ASZ1: variants seen among roughly 807,000 people sequenced by gnomAD.
The protein encoded by ASZ1 is ankyrin repeat, SAM and basic leucine zipper domain containing 1, also known as ankyrin repeat, SAM and basic leucine zipper domain-containing protein 1.
A neutral mutation model predicts 61.8 loss-of-function variants in ASZ1; 67 were observed. The ratio of observed to expected loss-of-function variants is 1.08; its 90% CI spans 0.89 to 1.33. The LOEUF (loss-of-function observed/expected upper bound fraction) is 1.33. Ranked by LOEUF, ASZ1 falls within the 40% of genes most tolerant of loss-of-function variation. The pLI is 0.00. For synonymous variants in ASZ1, 193 were observed against 192.7 expected (o/e 1.00, Z -0.01); for missense variants, 577 against 554.5 (o/e 1.04, Z -0.41).
At position 117,368,470 on chromosome 7, in the gene ASZ1, A is replaced by C. The variant is rs1215851468; in HGVS notation, c.1161+142T>G. The stretch of plus-strand genomic sequence containing the variant: ...TAAAGGAGTAATATTAAACAAATTG[A>C]CTTATTTAGATCTTATGTGATTTTG... On this transcript the variant is annotated intron_variant, in intron 11 of 12. Coordinates refer to ENST00000284629, the MANE Select transcript of ASZ1 (RefSeq NM_130768.3). 3 of 1,397,294 alleles carry C rather than the reference A, an allele frequency of 2.1e-6. No homozygotes were observed. The African/African-American group carries it at 4.4e-5, about 21-fold the overall frequency. 86.6% of individuals were successfully genotyped at this position (1,397,294 alleles called of 1,614,324 possible).
intron 4 of ASZ1, among the ~76,000 whole-genome samples, chr7:117,408,496 A>C (rs972556300): frequency 6.6e-6 from 1 of 152,178 alleles, no homozygotes; most frequent in Non-Finnish European, 1.5e-5. Flanking sequence ...ACATTATTTT[A>C]TAGTGCAAAA....
chr7:117,408,920 T>C (rs1421250642), intron 4 of ASZ1, among the ~76,000 whole-genome samples: 1 of 151,374 alleles, frequency 6.6e-6, no homozygotes, highest in Non-Finnish European at 1.5e-5. Flanking sequence ...GTTACATGGG[T>C]ATATGTGTCA....
chr7:117,364,101 A>T (rs1224913864), intron 12 of ASZ1, among the ~76,000 whole-genome samples: 1 of 152,216 alleles, frequency 6.6e-6, no homozygotes, highest in Non-Finnish European at 1.5e-5. Flanking sequence ...TTGTGCATTA[A>T]ATATCAATTA....
At chr7:117,415,988 C>T (rs749965750) in intron 4 of ASZ1, among the ~76,000 whole-genome samples, 3 of 152,064 alleles carry the variant, frequency 2.0e-5, no homozygotes, top group African/African-American at 7.2e-5. Flanking sequence ...GTTAGAAGTT[C>T]GAGACCAGCC....
Position 117,422,320 on chromosome 7 carries a change from G to T in ASZ1, c.245C>A (p.Pro82His), listed in dbSNP as rs759590403. 6.2e-7 allele frequency: 1 copy of T among 1,612,490 alleles called. No individual in the cohort carries two copies. Among genetic ancestry groups the T allele is most frequent in the African/African-American group, 1.3e-5 (1 of 74,534 alleles). Residue 82 changes from proline (P) to histidine (H), a missense_variant, in exon 3 of 13, where the codon CCC becomes CAC. By Grantham distance (77) the Pro-to-His change is moderately conservative. Coordinates refer to ENST00000284629, the MANE Select transcript of ASZ1 (RefSeq NM_130768.3). ...GGCAACACTAGCAGCATACATAAGGGGAGTCCATCCATACTGAAAGTTGGA... is the reference window on the plus strand; with the variant it reads ...GGCAACACTAGCAGCATACATAAGGTGAGTCCATCCATACTGAAAGTTGGA... ...VDSNFQYGWT[P>H]LMYAASVANA... is the part of the protein sequence containing the mutation.
At chr7:117,387,989 T>G (rs1796392923) in intron 4 of ASZ1, among the ~76,000 whole-genome samples, 1 of 152,166 alleles carries the variant, frequency 6.6e-6, no homozygotes, top group South Asian at 2.1e-4. Context: ...GTACAGATTA[T>G]CCAGATTTTA....
chr7:117,375,074 G>T (rs1236174652), intron 10 of ASZ1, among the ~76,000 whole-genome samples: 1 of 151,992 alleles, frequency 6.6e-6, no homozygotes, highest in Non-Finnish European at 1.5e-5. Flanking sequence ...AATTTCATAG[G>T]CTGGTTATAA....
chr7:117,413,660 A>G (rs1223402413), intron 4 of ASZ1, among the ~76,000 whole-genome samples: 2 of 152,048 alleles, frequency 1.3e-5, no homozygotes, highest in African/African-American at 2.4e-5. Flanking sequence ...AAATGAAAAA[A>G]TAAAAGAAAA....
intron 4 of ASZ1, among the ~76,000 whole-genome samples, chr7:117,410,360 AATTCTGAG>A (rs1189963022): frequency 6.6e-6 from 1 of 151,732 alleles, no homozygotes; most frequent in Non-Finnish European, 1.5e-5. Context: ...TTGGGACATA[AATTCTGAG>A]TCCAAGATCA....
chr7:117,384,714 A>G lies in ASZ1; in HGVS notation c.687+12T>C. The G allele has an allele frequency of 6.2e-7, 1 of 1,609,202 alleles. No individual in the cohort carries two copies. The highest frequency in any genetic ancestry group is 8.5e-7 in the Non-Finnish European group (1 of 1,177,074). ...GCCACAGAAAATAAGTTTAATATGT[A>G]CAGAAGGATACCTCATGATGTTTGT... On this transcript the variant is annotated intron_variant, in intron 6 of 12. Coordinates refer to ENST00000284629, the MANE Select transcript of ASZ1 (RefSeq NM_130768.3).
chr7:117,386,786 C>T (rs1212918606), intron 4 of ASZ1, among the ~76,000 whole-genome samples: 1 of 152,168 alleles, frequency 6.6e-6, no homozygotes, highest in African/African-American at 2.4e-5. Context: ...AATCTGAACA[C>T]TTCACACCTA....
intron 10 of ASZ1, among the ~76,000 whole-genome samples, chr7:117,377,258 G>C (rs948446019): frequency 3.3e-5 from 5 of 152,176 alleles, no homozygotes; most frequent in African/African-American, 1.2e-4. Flanking sequence ...CAGAAATGGT[G>C]GGTCAGGTTT....
Position 117,391,471 on chromosome 7 carries a change from T to C in ASZ1, c.441-5662A>G, listed in dbSNP as rs182066853. On this transcript the variant is annotated intron_variant, in intron 4 of 12. Transcript: ENST00000284629. Reference sequence around the variant, plus strand: ...TTTAAGTCTTTAATCCATCTTGAATTGATTTCTGCATATGGTAAGAGGTAG... The same window carrying C: ...TTTAAGTCTTTAATCCATCTTGAATCGATTTCTGCATATGGTAAGAGGTAG... Among the ~76,000 whole-genome samples the C allele has an allele frequency of 1.5e-3, 227 of 152,330 alleles. 2 individuals carry two copies. The highest frequency in any genetic ancestry group is 6.8e-3 in the Middle Eastern group (2 of 294).
At chr7:117,365,559 G>C (rs1795920106) in intron 12 of ASZ1, among the ~76,000 whole-genome samples, 1 of 152,110 alleles carries the variant, frequency 6.6e-6, no homozygotes, top group Non-Finnish European at 1.5e-5. Flanking sequence ...GAAGCAAATA[G>C]CTTTTAGGAA....
intron 2 of ASZ1, 34 bp from the exon 3 acceptor site, chr7:117,422,393 C>A: frequency 6.2e-7 from 1 of 1,602,862 alleles, no homozygotes; most frequent in South Asian, 1.1e-5. Context: ...TAAAAGCACA[C>A]TACCACCAAA....
chr7:117,375,112 A>G (rs2116456524), intron 10 of ASZ1, among the ~76,000 whole-genome samples: 1 of 152,182 alleles, frequency 6.6e-6, no homozygotes, highest in South Asian at 2.1e-4. Context: ...ACATAATTTC[A>G]AAATTATCTA....
intron 4 of ASZ1, among the ~76,000 whole-genome samples, chr7:117,395,388 C>A (rs1796557010): frequency 6.6e-6 from 1 of 152,052 alleles, no homozygotes. Flanking sequence ...AGAATCATTT[C>A]ATCAAGTCAA....
intron 4 of ASZ1, among the ~76,000 whole-genome samples, chr7:117,416,591 G>A (rs1038061118): frequency 1.3e-4 from 20 of 152,092 alleles, no homozygotes; most frequent in Admixed American, 4.6e-4. Context: ...AACAAGATCC[G>A]GATCACATGG....
At position 117,413,436 on chromosome 7, in the gene ASZ1, A is replaced by G. The variant is rs148494438; in HGVS notation, c.440+6727T>C. Reference sequence around the variant, plus strand: ...CTATTACACAGCAAATGTTCAATAAATGTTTCATTTACAAATTCTAAAGCC... The same window carrying G: ...CTATTACACAGCAAATGTTCAATAAGTGTTTCATTTACAAATTCTAAAGCC... On this transcript the variant is annotated intron_variant, in intron 4 of 12. Coordinates refer to ENST00000284629, the MANE Select transcript of ASZ1 (RefSeq NM_130768.3). 4.7e-3 allele frequency among the ~76,000 whole-genome samples: 717 copies of G among 152,194 alleles called. 11 individuals carry two copies. Among genetic ancestry groups the G allele is most frequent in the African/African-American group, 0.015 (606 of 41,576 alleles).
Sources: gnomAD v4.1 joint callset for allele counts (sites outside exome capture counted in the v4.1 genomes callset) on GRCh38, gnomAD v4.1.1 for gene constraint, MANE v1.5 for transcripts, NCBI Gene and HGNC (gene_info 2026-07-23, HGNC 2026-07-21) for gene names.